Variants in PHACTR3 observed in about 807,000 individuals in gnomAD.
PHACTR3 encodes the protein protein phosphatase 1, regulatory subunit 123.
PHACTR3 carries 16 observed loss-of-function variants against 66.8 expected under a neutral mutation model. The observed-to-expected ratio is 0.24, with a 90% CI of 0.16 to 0.36. PHACTR3 has a LOEUF of 0.36. PHACTR3 is among the 10% of genes least tolerant of loss of function. PHACTR3 has a pLI of 1.00. For synonymous variants in PHACTR3, 323 were observed against 292.1 expected (o/e 1.11, Z -1.08); for missense variants, 647 against 719.9 (o/e 0.90, Z 1.16).
intron 1 of PHACTR3, among the ~76,000 whole-genome samples, chr20:59,641,892 C>T (rs1232234295): frequency 2.0e-5 from 3 of 152,188 alleles, no homozygotes; most frequent in East Asian, 1.9e-4. Context: ...TTATTAATTG[C>T]TCTTCTATTA....
At chr20:59,781,262 T>A (rs2040716042) in intron 7 of PHACTR3, among the ~76,000 whole-genome samples, 2 of 152,092 alleles carry the variant, frequency 1.3e-5, no homozygotes, top group South Asian at 4.2e-4. Context: ...ATCACCGGGG[T>A]CTATGTGCCA....
rs536008571 is a variant in PHACTR3, at chr20:59,596,707, C to CT, written c.109+19091dup. ...TTGGCATGCATAGCTTGTGTGTCTG[C>CT]TCAGCAAATTCCTCTGTGTCCTTCC... On this transcript the variant is annotated intron_variant, in intron 1 of 12. Coordinates refer to the PHACTR3 transcript ENST00000359926. Among the ~76,000 whole-genome samples the CT allele has an allele frequency of 2.8e-4, 42 of 152,322 alleles. No individual in the cohort carries two copies. In the East Asian group the frequency reaches 8.1e-3, roughly 29 times the overall value.
At chr20:59,583,203 G>C (rs568119229) in intron 1 of PHACTR3, among the ~76,000 whole-genome samples, 42 of 152,242 alleles carry the variant, frequency 2.8e-4, no homozygotes, top group African/African-American at 1.0e-3. Context: ...TAGAATGCAG[G>C]GTTTTAATAA....
chr20:59,629,640 C>T (rs978839219), intron 1 of PHACTR3, among the ~76,000 whole-genome samples: 8 of 152,352 alleles, frequency 5.3e-5, no homozygotes, highest in African/African-American at 1.9e-4. Flanking sequence ...TGCCTGTCCC[C>T]AGAAGATCTG....
chr20:59,713,425 G>C (rs2037976771), intron 1 of PHACTR3, among the ~76,000 whole-genome samples: 1 of 152,106 alleles, frequency 6.6e-6, no homozygotes, highest in African/African-American at 2.4e-5. Flanking sequence ...CCCCCACCCA[G>C]GTATTCCCAG....
chr20:59,642,098 C>T (rs6123923), intron 1 of PHACTR3, among the ~76,000 whole-genome samples: 1 of 151,970 alleles, frequency 6.6e-6, no homozygotes, highest in Non-Finnish European at 1.5e-5. Context: ...TGGCATGGCC[C>T]GTGGAGGTCC....
chr20:59,585,211 G>A (rs1200036902), intron 1 of PHACTR3, among the ~76,000 whole-genome samples: 6 of 152,152 alleles, frequency 3.9e-5, no homozygotes, highest in East Asian at 3.9e-4. Flanking sequence ...CCTTAGAATC[G>A]GCCTTCCCTG....
chr20:59,725,999 C>T (rs1035649414), intron 1 of PHACTR3, among the ~76,000 whole-genome samples: 2 of 152,168 alleles, frequency 1.3e-5, no homozygotes, highest in Non-Finnish European at 2.9e-5. Context: ...CGATCCTCTC[C>T]GACAGGCCTT....
intron 1 of PHACTR3, among the ~76,000 whole-genome samples, chr20:59,627,180 T>G (rs1181092762): frequency 6.6e-6 from 1 of 152,192 alleles, no homozygotes; most frequent in African/African-American, 2.4e-5. Flanking sequence ...TGGGTGCTTC[T>G]TGGAGCTTTC....
intron 1 of PHACTR3, among the ~76,000 whole-genome samples, chr20:59,653,823 A>G (rs6015541): frequency 1.3e-5 from 2 of 152,322 alleles, no homozygotes; most frequent in African/African-American, 4.8e-5. Flanking sequence ...CTCTTAAAAT[A>G]TCTATTTCAT....
At chr20:59,627,619 A>G (rs545977736) in intron 1 of PHACTR3, among the ~76,000 whole-genome samples, 16 of 152,222 alleles carry the variant, frequency 1.1e-4, no homozygotes, top group African/African-American at 3.6e-4. Context: ...AGTTAGGGAG[A>G]GGTGTGTGGT....
At chr20:59,735,083 T>C (rs1032232202) in intron 1 of PHACTR3, among the ~76,000 whole-genome samples, 3 of 152,130 alleles carry the variant, frequency 2.0e-5, no homozygotes, top group South Asian at 2.1e-4. Context: ...AAGACAATGG[T>C]CTCCACGTAT....
At chr20:59,754,228 C>A (rs1270452873) in intron 3 of PHACTR3, among the ~76,000 whole-genome samples, 2 of 152,192 alleles carry the variant, frequency 1.3e-5, no homozygotes, top group South Asian at 4.1e-4. Flanking sequence ...CATTAAGGTG[C>A]AAACCCAGGG....
chr20:59,637,536 A>G (rs1194949313), intron 1 of PHACTR3, among the ~76,000 whole-genome samples: 3 of 152,190 alleles, frequency 2.0e-5, no homozygotes, highest in African/African-American at 7.2e-5. Flanking sequence ...TAAATGCTCC[A>G]TAGAAATTCA....
At chr20:59,756,908 A>G (rs2039815626) in intron 4 of PHACTR3, among the ~76,000 whole-genome samples, 1 of 152,134 alleles carries the variant, frequency 6.6e-6, no homozygotes, top group Non-Finnish European at 1.5e-5. Context: ...AGAAACTCCC[A>G]TTGGAGTGAA....
intron 1 of PHACTR3, among the ~76,000 whole-genome samples, chr20:59,631,162 G>A (rs1428000776): frequency 6.6e-6 from 1 of 152,202 alleles, no homozygotes; most frequent in Non-Finnish European, 1.5e-5. Flanking sequence ...AAAAGTCAGG[G>A]TCAGATGCCC....
chr20:59,597,819 C>T (rs2033366201), intron 1 of PHACTR3, among the ~76,000 whole-genome samples: 1 of 152,210 alleles, frequency 6.6e-6, no homozygotes, highest in Non-Finnish European at 1.5e-5. Context: ...GCTGCTGTTC[C>T]AGGCCCCACA....
At chr20:59,759,825 C>G (rs1314477080) in intron 4 of PHACTR3, among the ~76,000 whole-genome samples, 2 of 152,194 alleles carry the variant, frequency 1.3e-5, no homozygotes, top group Admixed American at 1.3e-4. Context: ...CATCTAATGG[C>G]AGACAAAGCC....
At chr20:59,701,716 T>A (rs1030200181) in intron 1 of PHACTR3, among the ~76,000 whole-genome samples, 1 of 152,228 alleles carries the variant, frequency 6.6e-6, no homozygotes. Context: ...GATCAACAAA[T>A]GTTGATGAAT....
Sources: allele counts gnomAD v4.1 joint callset (sites outside exome capture counted in the v4.1 genomes callset), GRCh38; gene constraint gnomAD v4.1.1; transcripts MANE v1.5; gene names NCBI Gene and HGNC (gene_info 2026-07-23, HGNC 2026-07-21).